PAQR5: variants seen among roughly 807,000 people sequenced by gnomAD.
The protein encoded by PAQR5 is membrane progestin receptor gamma.
In PAQR5, 20 loss-of-function variants were observed where a neutral mutation model predicts 34.5. The observed-to-expected ratio is 0.58, with a 90% CI of 0.41 to 0.84. The LOEUF (loss-of-function observed/expected upper bound fraction) is 0.84, where lower values mean the gene tolerates loss of function less well. PAQR5 is among the 40% of genes least tolerant of loss of function. The pLI, the probability that PAQR5 is intolerant of heterozygous loss-of-function variation, is 0.00. For missense variants in PAQR5, 378 were observed against 412.7 expected (o/e 0.92, Z 0.73); for synonymous variants, 131 against 155.6 (o/e 0.84, Z 1.18).
intron 6 of PAQR5, among the ~76,000 whole-genome samples, chr15:69,394,234 T>G (rs1301185253): frequency 6.6e-6 from 1 of 151,116 alleles, no homozygotes; most frequent in Non-Finnish European, 1.5e-5. Context: ...AGGCAGTTGC[T>G]GAGGCAGTTC....
At position 69,318,583 on chromosome 15, in the gene PAQR5, G is replaced by A. The variant is rs150655688; in HGVS notation, c.-276-18758G>A. 2.8e-4 allele frequency among the ~76,000 whole-genome samples: 42 copies of A among 152,002 alleles called. 1 individual carries two copies. The South Asian group carries it at 7.5e-3, about 27-fold the overall frequency. ...TGGGATTGAATTTAAACTCACCTCC[G>A]TCATCCATTCTGCCTCCTTCTTCTT... On this transcript the variant is annotated intron_variant, in intron 1 of 8. Coordinates refer to ENST00000395407, the MANE Select transcript of PAQR5 (RefSeq NM_017705.4).
chr15:69,310,901 T>C (rs541320956), intron 1 of PAQR5, among the ~76,000 whole-genome samples: 8,115 of 150,872 alleles, frequency 0.054, 689 homozygotes, highest in African/African-American at 0.19. Context: ...TAGCCGGGTG[T>C]GGTGGCGGGC....
chr15:69,327,296 C>T (rs1291895271), intron 1 of PAQR5, among the ~76,000 whole-genome samples: 5 of 152,122 alleles, frequency 3.3e-5, no homozygotes, highest in South Asian at 2.1e-4. Context: ...CCACCACATG[C>T]GGATTGTTTT....
intron 2 of PAQR5, among the ~76,000 whole-genome samples, chr15:69,348,244 C>A (rs1201618014): frequency 6.6e-6 from 1 of 152,138 alleles, no homozygotes; most frequent in South Asian, 2.1e-4. Context: ...TTTGTTGAAC[C>A]CTTACTTTTA....
chr15:69,343,385 C>G (rs1595876136), intron 2 of PAQR5, among the ~76,000 whole-genome samples: 1 of 152,088 alleles, frequency 6.6e-6, no homozygotes, highest in African/African-American at 2.4e-5. Context: ...ATTTGGGATC[C>G]TTTCAGAAGG....
intron 2 of PAQR5, among the ~76,000 whole-genome samples, chr15:69,339,392 C>T (rs887794250): frequency 6.6e-6 from 1 of 152,140 alleles, no homozygotes; most frequent in African/African-American, 2.4e-5. Context: ...CTTGTCCAGA[C>T]ATGCATCCGT....
chr15:69,313,613 A>G (rs547297611), intron 1 of PAQR5, among the ~76,000 whole-genome samples: 1 of 152,308 alleles, frequency 6.6e-6, no homozygotes, highest in South Asian at 2.1e-4. Context: ...AGCAGACAGT[A>G]TGTCTAGAAA....
chr15:69,311,356 G>C (rs2053830652), intron 1 of PAQR5, among the ~76,000 whole-genome samples: 1 of 152,180 alleles, frequency 6.6e-6, no homozygotes, highest in African/African-American at 2.4e-5. Flanking sequence ...GATGTAGCAA[G>C]AGAATGATTG....
chr15:69,389,918 CT>C, intron 6 of PAQR5, 138 bp downstream of exon 6: 1 of 977,798 alleles, frequency 1.0e-6, no homozygotes, highest in South Asian at 1.7e-5. Context: ...TCCAGGTGGA[CT>C]TCCTATGCTG....
intron 3 of PAQR5, among the ~76,000 whole-genome samples, chr15:69,364,144 T>A (rs2055319745): frequency 6.6e-6 from 1 of 152,140 alleles, no homozygotes; most frequent in Non-Finnish European, 1.5e-5. Flanking sequence ...AGTGGGATTA[T>A]TATGAATGAA....
intron 5 of PAQR5, among the ~76,000 whole-genome samples, chr15:69,389,374 T>G (rs1182177373): frequency 6.6e-6 from 1 of 152,246 alleles, no homozygotes; most frequent in Admixed American, 6.5e-5. Context: ...TGAGGATAAG[T>G]GCAGAGTTAT....
intron 3 of PAQR5, 173 bp from the exon 4 acceptor site, chr15:69,379,710 G>A: frequency 1.3e-6 from 1 of 764,790 alleles, no homozygotes; most frequent in Non-Finnish European, 1.6e-6. Context: ...GAGGACAAGG[G>A]ATTTTAGAAG....
chr15:69,394,856 CCT>C (rs1491389542), intron 6 of PAQR5, among the ~76,000 whole-genome samples: 1 of 152,252 alleles, frequency 6.6e-6, no homozygotes, highest in Non-Finnish European at 1.5e-5. Flanking sequence ...GGCCCTTCTG[CCT>C]TTTTCTCTCT....
rs527637963 is a variant in PAQR5 at position 69,344,552 on chromosome 15, T to C, written c.-116+7051T>C. Among the ~76,000 whole-genome samples, 23 of 152,380 alleles carry C rather than the reference T, an allele frequency of 1.5e-4. No homozygotes were observed. The South Asian group carries it at 4.8e-3, about 32-fold the overall frequency. ...GGGGTATGGATTAAAACTAACATTT[T>C]CATATCATGTTATCTATGTGAAGTA... On this transcript the variant is annotated intron_variant, in intron 2 of 8. Transcript: ENST00000395407.
In PAQR5 at chr15:69,321,520, A is replaced by T. The variant is rs113206959; in HGVS notation, c.-276-15821A>T. ...AACCACAGTACTATTACTGTACCTT[A>T]AGAATTGATAATTCCTCATTATCAT... On this transcript the variant is annotated intron_variant, in intron 1 of 8. Coordinates refer to ENST00000395407, the MANE Select transcript of PAQR5 (RefSeq NM_017705.4). Among the ~76,000 whole-genome samples the T allele has an allele frequency of 8.2e-3, 1,249 of 152,350 alleles. 15 individuals carry two copies. The highest frequency in any genetic ancestry group is 0.028 in the African/African-American group (1,181 of 41,580).
intron 3 of PAQR5, among the ~76,000 whole-genome samples, chr15:69,378,761 G>A (rs2055794139): frequency 6.6e-6 from 1 of 152,138 alleles, no homozygotes; most frequent in African/African-American, 2.4e-5. Context: ...CTTACCTGGG[G>A]GCGATTTTTG....
At chr15:69,393,179 A>ATTCCTGC (rs11280670) in intron 6 of PAQR5, among the ~76,000 whole-genome samples, 2 of 152,008 alleles carry the variant, frequency 1.3e-5, no homozygotes, top group Non-Finnish European at 2.9e-5. Context: ...TAGAGTGGGC[A>ATTCCTGC]TGTGGCCCTT....
intron 3 of PAQR5, among the ~76,000 whole-genome samples, chr15:69,378,700 T>C (rs985979591): frequency 6.6e-5 from 10 of 152,146 alleles, no homozygotes; most frequent in African/African-American, 2.2e-4. Context: ...CCCTACTCAT[T>C]TATAATTTAC....
At chr15:69,311,015 G>A (rs551495934) in intron 1 of PAQR5, among the ~76,000 whole-genome samples, 147 of 128,032 alleles carry the variant, frequency 1.1e-3, no homozygotes, top group Admixed American at 2.4e-3. Flanking sequence ...CTCCAGCCTG[G>A]GCAACAGAGC....
Sources: gnomAD v4.1 joint callset for allele counts (sites outside exome capture counted in the v4.1 genomes callset) on GRCh38, gnomAD v4.1.1 for gene constraint, MANE v1.5 for transcripts, NCBI Gene and HGNC (gene_info 2026-07-23, HGNC 2026-07-21) for gene names.